The following THRB variants were observed in gnomAD, a reference collection of about 807,000 sequenced individuals.
The protein encoded by THRB is thyroid hormone receptor beta.
Under a neutral mutation model 47.8 loss-of-function variants are expected in THRB, and 12 were observed. The ratio of observed to expected loss-of-function variants is 0.25; its 90% confidence interval spans 0.16 to 0.41. The LOEUF is 0.41. Ranked by LOEUF, THRB falls within the 10% of genes least tolerant of loss-of-function variation. THRB has a pLI of 1.00. For synonymous variants in THRB, 218 were observed against 212.2 expected, an observed-to-expected ratio of 1.03 and a Z score of -0.24; for missense variants, 348 against 589.2, an observed-to-expected ratio of 0.59 and a Z score of 4.24.
rs140734739 is a variant in THRB, at chr3:24,483,632, G to T, written c.-261+11020C>A. Among the ~76,000 whole-genome samples the T allele has an allele frequency of 3.7e-3, 556 of 152,254 alleles. 3 individuals are homozygous for T. Among genetic ancestry groups the T allele is most frequent in the African/African-American group, 0.012 (504 of 41,558 alleles). The stretch of plus-strand genomic sequence containing the variant: ...TAAAAATGATGGTCAAAGACAAAAA[G>T]GTAAAACCAGGTCTAGCAAGGTTAA... On this transcript the variant is annotated intron_variant, in intron 1 of 10. Coordinates refer to ENST00000646209, the MANE Select transcript of THRB (RefSeq NM_001354712.2).
At chr3:24,229,864 A>G (rs907901480) in intron 3 of THRB, among the ~76,000 whole-genome samples, 2 of 152,198 alleles carry the variant, frequency 1.3e-5, no homozygotes, top group Non-Finnish European at 2.9e-5. Flanking sequence ...AGCCTGAGGC[A>G]TGGGCTTGAG....
intron 2 of THRB, among the ~76,000 whole-genome samples, chr3:24,300,467 G>A (rs2056859975): frequency 6.6e-6 from 1 of 152,130 alleles, no homozygotes; most frequent in Admixed American, 6.5e-5. Flanking sequence ...TTGGTTTCCA[G>A]ATTCTTCTTT....
chr3:24,314,284 G>A (rs1476408077), intron 2 of THRB, among the ~76,000 whole-genome samples: 1 of 152,214 alleles, frequency 6.6e-6, no homozygotes, highest in Non-Finnish European at 1.5e-5. Context: ...CATTCAGACT[G>A]TAGGGATGAG....
At chr3:24,300,917 T>A (rs540126682) in intron 2 of THRB, among the ~76,000 whole-genome samples, 1 of 152,140 alleles carries the variant, frequency 6.6e-6, no homozygotes, top group Non-Finnish European at 1.5e-5. Context: ...ATGACCTAAT[T>A]TGGAAAGGGA....
intron 1 of THRB, among the ~76,000 whole-genome samples, chr3:24,477,764 C>T (rs1171267328): frequency 2.0e-5 from 3 of 151,608 alleles, no homozygotes; most frequent in African/African-American, 2.4e-5. Flanking sequence ...TCAGTGACAC[C>T]GGCACCATCA....
At chr3:24,190,908 TTACAAA>T (rs2149605106) in intron 4 of THRB, among the ~76,000 whole-genome samples, 1 of 151,644 alleles carries the variant, frequency 6.6e-6, no homozygotes, top group East Asian at 1.9e-4. Flanking sequence ...GAAGGGAATC[TTACAAA>T]TAGAAGTTTT....
At chr3:24,389,499 G>A (rs2066391343) in intron 1 of THRB, among the ~76,000 whole-genome samples, 1 of 152,182 alleles carries the variant, frequency 6.6e-6, no homozygotes, top group Non-Finnish European at 1.5e-5. Context: ...AAGGTTGTCA[G>A]AATTTCATTT....
At chr3:24,166,864 C>A (rs1199029622) in intron 5 of THRB, among the ~76,000 whole-genome samples, 2 of 152,056 alleles carry the variant, frequency 1.3e-5, no homozygotes, top group South Asian at 4.2e-4. Flanking sequence ...CTCCAGTCAT[C>A]AATTGCAACG....
chr3:24,436,598 C>G (rs1040191946), intron 1 of THRB, among the ~76,000 whole-genome samples: 2 of 152,076 alleles, frequency 1.3e-5, no homozygotes, highest in Non-Finnish European at 2.9e-5. Flanking sequence ...TGAGCCTGAC[C>G]GTCGAAAATA....
At chr3:24,260,037 T>G (rs1486541800) in intron 3 of THRB, among the ~76,000 whole-genome samples, 1 of 152,158 alleles carries the variant, frequency 6.6e-6, no homozygotes, top group Non-Finnish European at 1.5e-5. Context: ...ACCCCATACC[T>G]TTCAGCTGTC....
chr3:24,262,335 C>A lies in THRB; in HGVS notation c.-42-33334G>T, dbSNP rs539730403. ...TTGTCCCCCAACATTTTATTCTCAACATAGCAGCCAGAGGTAGTCTTTTTA... is the reference window on the plus strand; with the variant it reads ...TTGTCCCCCAACATTTTATTCTCAAAATAGCAGCCAGAGGTAGTCTTTTTA... On this transcript the variant is annotated intron_variant, in intron 3 of 10. Coordinates refer to ENST00000646209, the MANE Select transcript of THRB (RefSeq NM_001354712.2). Among the ~76,000 whole-genome samples the A allele has an allele frequency of 6.6e-5, 10 of 152,336 alleles. No individual in the cohort carries two copies. The South Asian group carries it at 2.1e-3, about 32-fold the overall frequency.
upstream of THRB, chr3:24,495,351 A>C (rs1455323147): frequency 6.5e-6 from 1 of 153,294 alleles, no homozygotes; most frequent in Admixed American, 6.5e-5. Flanking sequence ...CAGCCGGTAC[A>C]GACGCCCCCT....
At position 24,188,886 on chromosome 3, in the gene THRB, A is replaced by ATATATATATATATATATATATATAT. The variant is rs1559548533; in HGVS notation, c.283+1187_283+1188insATATATATATATATATATATATATA. ...ATATATATATATATATATATATATG[A>ATATATATATATATATATATATATAT]GAGAAAGAGAGTCCAAATACAAACC... On this transcript the variant is annotated intron_variant, in intron 5 of 10. Transcript: ENST00000646209. 5.7e-4 allele frequency among the ~76,000 whole-genome samples: 39 copies of ATATATATATATATATATATATATAT among 68,272 alleles called. 1 individual carries two copies. The highest frequency in any genetic ancestry group is 4.5e-3 in the African/African-American group (36 of 8,056). The allele number at this position is 68,272 out of a possible 152,430, so 44.8% of individuals were successfully genotyped here.
At chr3:24,151,568 C>A (rs1488817084) in intron 6 of THRB, among the ~76,000 whole-genome samples, 1 of 152,116 alleles carries the variant, frequency 6.6e-6, no homozygotes, top group African/African-American at 2.4e-5. Flanking sequence ...TTAAATACTT[C>A]TTTATTTATG....
At chr3:24,277,829 T>C (rs776416589) in intron 3 of THRB, among the ~76,000 whole-genome samples, 3 of 152,204 alleles carry the variant, frequency 2.0e-5, no homozygotes, top group African/African-American at 7.2e-5. Flanking sequence ...TATAAAGAAT[T>C]ACTGGCAGTC....
intron 1 of THRB, 58 bp downstream of exon 1, chr3:24,494,594 C>G (rs947963922): frequency 6.6e-6 from 1 of 151,680 alleles, no homozygotes; most frequent in African/African-American, 2.4e-5. Context: ...TGCGACGCTC[C>G]GTCACCATCC....
At position 24,390,797 on chromosome 3, in the gene THRB, A is replaced by AAAAAAT. The variant is rs5847290; in HGVS notation, c.-260-53427_-260-53426insATTTTT. Among the ~76,000 whole-genome samples the AAAAAAT allele has an allele frequency of 9.8e-3, 1,356 of 137,820 alleles. 18 individuals are homozygous for AAAAAAT. The highest frequency in any genetic ancestry group is 0.035 in the African/African-American group (1,281 of 37,020). 90.4% of individuals were successfully genotyped at this position (137,820 alleles called of 152,430 possible). On this transcript the variant is annotated intron_variant, in intron 1 of 10. Coordinates refer to ENST00000646209, the MANE Select transcript of THRB (RefSeq NM_001354712.2). ...ATCTTTACTTTGTAAAAAAAAAAAA[A>AAAAAAT]ATATATATATATATATAATATTATT...
intron 5 of THRB, among the ~76,000 whole-genome samples, chr3:24,158,435 G>A (rs995759016): frequency 3.5e-5 from 3 of 86,430 alleles, no homozygotes; most frequent in African/African-American, 5.3e-5. Flanking sequence ...TTTTTTTTTG[G>A]GGGGAGGGTG....
intron 1 of THRB, among the ~76,000 whole-genome samples, chr3:24,401,402 CA>C (rs1423315532): frequency 2.0e-5 from 3 of 151,912 alleles, no homozygotes; most frequent in Admixed American, 2.0e-4. Context: ...TTTTTGCATT[CA>C]AAAGATTATC....
Sources: gnomAD v4.1 joint callset for allele counts (sites outside exome capture counted in the v4.1 genomes callset) on GRCh38, gnomAD v4.1.1 for gene constraint, MANE v1.5 for transcripts, NCBI Gene and HGNC (gene_info 2026-07-23, HGNC 2026-07-21) for gene names.